The following HR variants were observed in gnomAD, a reference collection of about 807,000 sequenced individuals.
HR encodes HR lysine demethylase and nuclear receptor corepressor, also known as lysine-specific demethylase hairless.
HR carries 83 observed loss-of-function variants against 128.6 expected under a neutral mutation model. The observed-to-expected ratio is 0.65, with a 90% CI of 0.54 to 0.77. HR has a LOEUF of 0.77. Among genes scored for constraint, HR ranks in the 30% least tolerant of loss-of-function variants. HR has a pLI of 0.00. For missense variants in HR, 1,490 were observed against 1,574.6 expected, an observed-to-expected ratio of 0.95 and a Z score of 0.91; for synonymous variants, 681 against 658.2, an observed-to-expected ratio of 1.03 and a Z score of -0.53.
rs148562279 is a variant in HR at position 22,125,429 on chromosome 8, G to A, written c.1632C>T (p.Ser544=). 1.3e-4 allele frequency: 211 copies of A among 1,613,028 alleles called. No individual in the cohort carries two copies. The highest frequency in any genetic ancestry group is 2.8e-4 in the Admixed American group (17 of 59,972). The change falls in exon 5 of 19, where the codon TCC becomes TCT. Residue 544 remains serine (S), a synonymous_variant. Coordinates refer to ENST00000381418, the MANE Select transcript of HR (RefSeq NM_005144.5). The part of the protein sequence containing the change: ...TNSSSEEGPG[S]GPDSRLSTGL... ...CTGTGCTGAGCCGGCTGTCAGGGCC[G>A]GACCCTGGGCCTTCCTCAGAGCTGG...
Position 22,116,134 on chromosome 8 carries a change from CA to C in HR, c.3507+165del. 6.6e-6 allele frequency among the ~76,000 whole-genome samples: 1 copy of C among 152,280 alleles called. No individual in the cohort carries two copies. Among genetic ancestry groups the C allele is most frequent in the South Asian group, 2.1e-4 (1 of 4,830 alleles). ...TAGGTGACAGAACAAGACTCCATCT[CA>C]AAAAACAAAATGAAACAAACTAAAC... On this transcript the variant is annotated intron_variant, in intron 18 of 18. Transcript: ENST00000381418. The surrounding 1 kb of genome is among the most constrained non-coding windows in gnomAD (Gnocchi z 4.2).
At chr8:22,123,498 C>T in intron 6 of HR, 151 bp downstream of exon 6, 1 of 750,706 alleles carries the variant, frequency 1.3e-6, no homozygotes, top group Non-Finnish European at 2.2e-6. Flanking sequence ...GGGAAGTCTG[C>T]TCTAAGGGCA....
At chr8:22,127,999 A>T in intron 2 of HR, 170 bp from the exon 3 acceptor site, 1 of 706,216 alleles carries the variant, frequency 1.4e-6, no homozygotes, top group South Asian at 1.6e-5. Context: ...CTGTCCTGGC[A>T]ACCCCCACCT....
Position 22,127,550 on chromosome 8 carries a change from C to G in HR, c.892G>C (p.Gly298Arg). The change falls in exon 3 of 19, where the codon GGC becomes CGC. Residue 298 changes from glycine to arginine, a missense_variant. This residue lies in a region of HR where 1,060 missense variants were observed against 1,060.9 expected (regional missense o/e 1.00). Transcript: ENST00000381418. ...HTLGNVWAGP[G>R]DGNLGYQLGP... is the part of the protein sequence containing the mutation. ...AGCTGGTACCCAAGGTTCCCATCGC[C>G]TGGCCCAGCCCAGACGTTGCCAAGA... The G allele has an allele frequency of 6.2e-7, 1 of 1,613,084 alleles. No homozygotes were observed. The highest frequency in any genetic ancestry group is 8.5e-7 in the Non-Finnish European group (1 of 1,180,006).
At position 22,120,947 on chromosome 8, in the gene HR, G is replaced by A; in HGVS notation, c.2379C>T (p.Ile793=). Residue 793 remains isoleucine (I), a synonymous_variant, in exon 11 of 19, where the codon ATC becomes ATT. Transcript: ENST00000381418. ...VTPALPSDDR[I]TNILDSIIAQ... is the part of the protein sequence containing the mutation. ...CGATAATGCTGTCCAGGATGTTGGT[G>A]ATGCGGTCATCCTGCAGAGAGGGGC... is the stretch of plus-strand genomic sequence containing the variant. 6.3e-7 allele frequency: 1 copy of A among 1,590,224 alleles called. No homozygotes were observed.
rs1826648867 is a variant in HR, at chr8:22,118,539, G to T, written c.3213+411C>A. On this transcript the variant is annotated intron_variant, in intron 16 of 18. Coordinates refer to ENST00000381418, the MANE Select transcript of HR (RefSeq NM_005144.5). The stretch of plus-strand genomic sequence containing the variant: ...AGGAAGAGCATAGAGTAGTGACCTG[G>T]GGCCATGACAGACAGAAGCTCAGAT... 1.2e-5 allele frequency: 3 copies of T among 253,906 alleles called. No individual in the cohort carries two copies. In the South Asian group the frequency reaches 1.6e-4, roughly 13 times the overall value. The allele number at this position is 253,906 out of a possible 1,614,324, so 15.7% of individuals were successfully genotyped here. A position where few individuals can be genotyped will look rare whatever the true frequency, so the allele number is the denominator to read the frequency against.
intron 5 of HR, 136 bp from the exon 6 acceptor site, chr8:22,123,949 GAGA>G: frequency 2.0e-6 from 2 of 1,016,932 alleles, no homozygotes; most frequent in Non-Finnish European, 3.0e-6. Context: ...CCAGGGAAGG[GAGA>G]CAGGCCCCTC....
chr8:22,116,018 C>T lies in HR; in HGVS notation c.3508-256G>A, dbSNP rs1399187952. Reference sequence around the variant, plus strand: ...GGCATGGTGGTGGGCGCCTGTAGTCCCAGCTACTTGGGAGGCTGAGGCAGG... The same window carrying T: ...GGCATGGTGGTGGGCGCCTGTAGTCTCAGCTACTTGGGAGGCTGAGGCAGG... On this transcript the variant is annotated intron_variant, in intron 18 of 18. Coordinates refer to ENST00000381418, the MANE Select transcript of HR (RefSeq NM_005144.5). The surrounding 1 kb of genome is among the most constrained non-coding windows in gnomAD (Gnocchi z 4.2). 1.3e-5 allele frequency among the ~76,000 whole-genome samples: 2 copies of T among 152,054 alleles called. No individual in the cohort carries two copies. Among genetic ancestry groups the T allele is most frequent in the African/African-American group, 4.8e-5 (2 of 41,400 alleles).
At chr8:22,123,618 C>CCT in intron 6 of HR, 31 bp downstream of exon 6, 5 of 96,312 alleles carry the variant, frequency 5.2e-5, no homozygotes, top group Admixed American at 1.8e-4. Context: ...AGGGCTCCAT[C>CCT]CCGCCCTCCC....
At position 22,119,860 on chromosome 8, in the gene HR, A is replaced by T. The variant is rs1201628127; in HGVS notation, c.2877T>A (p.Leu959=). ...TTCCATGGAGGGCGCAGTACTCCGG[A>T]AGTGGCAGACTGGCAGCTAGGTTCT... The part of the protein sequence containing the change: ...RVENLAASLP[L]PEYCALHGKL... Residue 959 remains leucine (L), a synonymous_variant, in exon 14 of 19, where the codon CTT becomes CTA. Transcript: ENST00000381418. The T allele has an allele frequency of 6.2e-7, 1 of 1,613,652 alleles. No individual in the cohort carries two copies. The highest frequency in any genetic ancestry group is 1.7e-5 in the Admixed American group (1 of 60,008).
chr8:22,122,453 C>T (rs1210023994), intron 8 of HR, 40 bp downstream of exon 8: 2 of 1,456,104 alleles, frequency 1.4e-6, no homozygotes, highest in Non-Finnish European at 9.5e-7. Flanking sequence ...CAGCCATTTG[C>T]AGGCACGATA....
At chr8:22,121,323 G>A (rs1826747874) in intron 9 of HR, 95 bp from the exon 10 acceptor site, 3 of 1,494,150 alleles carry the variant, frequency 2.0e-6, no homozygotes, top group South Asian at 1.3e-5. Context: ...TCTCTTCCTG[G>A]CTGAGCCCAC....
intron 5 of HR, among the ~76,000 whole-genome samples, chr8:22,124,503 C>T (rs57358213): frequency 2.6e-5 from 4 of 152,264 alleles, no homozygotes; most frequent in African/African-American, 9.6e-5. Context: ...GGTGCAGGGG[C>T]CTCAGAGGTG....
At position 22,116,279 on chromosome 8, in the gene HR, G is replaced by C. The variant is rs201040777; in HGVS notation, c.3507+21C>G. ...GAGGCTTGGGTAGCACACCCAGCCT[G>C]CTGGCCCACATCCCACTCACCTGGG... On this transcript the variant is annotated intron_variant, in intron 18 of 18. Transcript: ENST00000381418. The surrounding 1 kb of genome is among the most constrained non-coding windows in gnomAD (Gnocchi z 4.2). 1.2e-6 allele frequency: 2 copies of C among 1,611,600 alleles called. No homozygotes were observed. The highest frequency in any genetic ancestry group is 3.3e-5 in the Admixed American group (2 of 59,994).
In HR at chr8:22,122,671, G is replaced by A. The variant is rs1046067543; in HGVS notation, c.2006-63C>T. 48 of 1,493,014 alleles carry A rather than the reference G, an allele frequency of 3.2e-5. No homozygotes were observed. In the South Asian group the frequency reaches 4.2e-4, roughly 13 times the overall value. 92.5% of individuals were successfully genotyped at this position (1,493,014 alleles called of 1,614,324 possible). The stretch of plus-strand genomic sequence containing the variant: ...TGAGTGTAGACCAACAGGCAGTCCC[G>A]GGCAGCTTGGCCTTGCCAAGCAGAA... On this transcript the variant is annotated intron_variant, in intron 7 of 18. Transcript: ENST00000381418.
At chr8:22,123,361 A>C (rs1397079610) in intron 6 of HR, among the ~76,000 whole-genome samples, 6 of 152,148 alleles carry the variant, frequency 3.9e-5, no homozygotes, top group African/African-American at 1.4e-4. Flanking sequence ...AGTAATACCC[A>C]CTTCACAGTG....
intron 5 of HR, 64 bp downstream of exon 5, chr8:22,125,247 A>C: frequency 6.6e-7 from 1 of 1,504,060 alleles, no homozygotes; most frequent in Non-Finnish European, 9.0e-7. Context: ...GGGTGGGGTC[A>C]GGGGAGGGAC....
intron 2 of HR, 151 bp from the exon 3 acceptor site, chr8:22,127,980 C>G (rs1468447283): frequency 5.0e-6 from 4 of 802,024 alleles, no homozygotes; most frequent in Non-Finnish European, 8.3e-6. Flanking sequence ...CTCTGGAGTG[C>G]CTCTGACACT....
chr8:22,123,617 T>TTGGGGGCCCCCCCC, intron 6 of HR, 32 bp downstream of exon 6: 2 of 292,090 alleles, frequency 6.8e-6, no homozygotes, highest in South Asian at 3.0e-5. Flanking sequence ...GAGGGCTCCA[T>TTGGGGGCCCCCCCC]CCCGCCCTCC....
Sources: gnomAD v4.1 joint callset for allele counts (sites outside exome capture counted in the v4.1 genomes callset) on GRCh38, gnomAD v4.1.1 for gene constraint, gnomAD v4.1.1 regional missense constraint, Gnocchi (gnomAD v3.1) non-coding constraint, MANE v1.5 for transcripts, NCBI Gene and HGNC (gene_info 2026-07-23, HGNC 2026-07-21) for gene names.